The following SARS1 variants were observed in gnomAD, a reference collection of about 807,000 sequenced individuals.
The protein encoded by SARS1 is seryl-tRNA synthetase 1, also known as serine--tRNA ligase, cytoplasmic.
SARS1 carries 25 observed loss-of-function variants against 63.7 expected under a neutral mutation model. The ratio of observed to expected loss-of-function variants is 0.39; its 90% CI spans 0.29 to 0.55. The LOEUF (loss-of-function observed/expected upper bound fraction) is 0.55. Among genes scored for constraint, SARS1 ranks in the 20% least tolerant of loss-of-function variants. The pLI, the probability that SARS1 is intolerant of heterozygous loss-of-function variation, is 0.62. For missense variants in SARS1, 417 were observed against 649.7 expected (o/e 0.64, Z 3.89); for synonymous variants, 231 against 243.5 (o/e 0.95, Z 0.48).
At chr1:109,233,155 A>G (rs548711105) in intron 6 of SARS1, among the ~76,000 whole-genome samples, 1 of 90,720 alleles carries the variant, frequency 1.1e-5, no homozygotes, top group Non-Finnish European at 2.4e-5. Flanking sequence ...CTAAATTTTA[A>G]TTTAATTTAA....
intron 5 of SARS1, 200 bp from the exon 6 acceptor site, chr1:109,231,431 A>T (rs1482321908): frequency 2.5e-6 from 1 of 405,432 alleles, no homozygotes; most frequent in Non-Finnish European, 4.3e-6. Flanking sequence ...GTGTGCCTGG[A>T]TGATTTGCTG....
intron 1 of SARS1, chr1:109,215,059 C>A: frequency 1.0e-6 from 1 of 985,458 alleles, no homozygotes. Context: ...CAAAGGCAGC[C>A]ACTATCCAAG....
chr1:109,236,944 G>A (rs771204352), intron 9 of SARS1: 23 of 1,515,802 alleles, frequency 1.5e-5, no homozygotes, highest in Admixed American at 4.9e-5. Context: ...TGCTTGAAAG[G>A]GGTGAAAAGG....
At chr1:109,215,168 C>G (rs1455379689) in intron 1 of SARS1, 6 of 985,278 alleles carry the variant, frequency 6.1e-6, no homozygotes, top group African/African-American at 1.7e-5. Flanking sequence ...TGTGCTGATT[C>G]TATGTCTTAG....
At chr1:109,236,873 C>G (rs1298467569) in intron 9 of SARS1, 1 of 1,597,418 alleles carries the variant, frequency 6.3e-7, no homozygotes, top group East Asian at 2.2e-5. Flanking sequence ...CCAAGAAGGT[C>G]TGGGTTGTAA....
At chr1:109,220,265 C>T (rs1003337331) in intron 1 of SARS1, among the ~76,000 whole-genome samples, 5 of 152,136 alleles carry the variant, frequency 3.3e-5, no homozygotes, top group Non-Finnish European at 1.5e-5. Context: ...ATAGGGTGGG[C>T]ACATGTTTAG....
At chr1:109,233,105 T>C (rs1655240670) in intron 6 of SARS1, among the ~76,000 whole-genome samples, 1 of 152,232 alleles carries the variant, frequency 6.6e-6, no homozygotes, top group African/African-American at 2.4e-5. Flanking sequence ...CAGCCATATG[T>C]GACTTGAGCA....
chr1:109,231,089 T>G, intron 5 of SARS1, 68 bp downstream of exon 5: 8 of 989,438 alleles, frequency 8.1e-6, no homozygotes, highest in South Asian at 5.1e-5. Flanking sequence ...ATATATTTTT[T>G]TTTTTTTTTG....
At chr1:109,215,474 A>G (rs2101178695) in intron 1 of SARS1, 1 of 985,260 alleles carries the variant, frequency 1.0e-6, no homozygotes, top group Non-Finnish European at 1.2e-6. Context: ...CAAGGATTCA[A>G]TTTTATTCAT....
In SARS1 at chr1:109,214,220, C is replaced by A; in HGVS notation, c.136+92C>A. The A allele has an allele frequency of 2.1e-6, 3 of 1,451,446 alleles. No homozygotes were observed. Among genetic ancestry groups the A allele is most frequent in the Non-Finnish European group, 2.8e-6 (3 of 1,072,206 alleles). The allele number at this position is 1,451,446 out of a possible 1,614,324, so 89.9% of individuals were successfully genotyped here. A position where few individuals can be genotyped will look rare whatever the true frequency, so the allele number is the denominator to read the frequency against. Reference sequence around the variant, plus strand: ...ACCGCTCCTGAGGCCACAGCTTCCACCCTTCGTCAGACCCCCTCCCAGGGT... The same window carrying A: ...ACCGCTCCTGAGGCCACAGCTTCCAACCTTCGTCAGACCCCCTCCCAGGGT... On this transcript the variant is annotated intron_variant, in intron 1 of 10. Transcript: ENST00000234677. This position sits in a 1 kb window ranked among gnomAD's most constrained non-coding sequence, Gnocchi z 4.6.
chr1:109,216,098 T>C (rs1654779452), intron 1 of SARS1: 1 of 985,326 alleles, frequency 1.0e-6, no homozygotes, highest in Non-Finnish European at 1.2e-6. Context: ...ATTTATGTTT[T>C]TTCCCAAGTT....
At chr1:109,221,999 TATATATATA>T (rs1557715406) in intron 1 of SARS1, among the ~76,000 whole-genome samples, 60 of 12,588 alleles carry the variant, frequency 4.8e-3, no homozygotes, top group East Asian at 0.012. Flanking sequence ...TATATATATA[TATATATATA>T]TATTTTTTTT....
At chr1:109,218,267 C>T (rs61799426) in intron 1 of SARS1, among the ~76,000 whole-genome samples, 3 of 145,696 alleles carry the variant, frequency 2.1e-5, no homozygotes, top group Non-Finnish European at 3.0e-5. Context: ...CTTGGGAGGC[C>T]GAGGCAGGAG....
At chr1:109,231,065 CAA>C (rs1230918247) in intron 5 of SARS1, 44 bp downstream of exon 5, 18 of 1,071,452 alleles carry the variant, frequency 1.7e-5, no homozygotes, top group East Asian at 3.7e-5. Flanking sequence ...GAAAAAGAAA[CAA>C]AATATATATA....
chr1:109,226,826 C>A (rs1397567815), intron 2 of SARS1, among the ~76,000 whole-genome samples: 1 of 149,828 alleles, frequency 6.7e-6, no homozygotes, highest in Non-Finnish European at 1.5e-5. Flanking sequence ...CTAAAGTGAT[C>A]TGCCCACCTC....
chr1:109,236,573 A>C (rs1169735335), intron 9 of SARS1, 25 bp downstream of exon 9: 1 of 1,593,916 alleles, frequency 6.3e-7, no homozygotes, highest in South Asian at 1.1e-5. Flanking sequence ...GGGAGGTGGG[A>C]AGCAGAGTCT....
intron 5 of SARS1, 138 bp from the exon 6 acceptor site, chr1:109,231,486 GCTGGGAT>G: frequency 1.8e-6 from 1 of 556,774 alleles, no homozygotes. Flanking sequence ...AATGTCAGTT[GCTGGGAT>G]CTGTGGTCTT....
At position 109,214,553 on chromosome 1, in the gene SARS1, A is replaced by C. The variant is rs1171354263; in HGVS notation, c.136+425A>C. ...TTTTCCTTTGTTTTGATAGGATCAA[A>C]GGCTTCTCCTGAGACTGCGTCACTT... On this transcript the variant is annotated intron_variant, in intron 1 of 10. Coordinates refer to ENST00000234677, the MANE Select transcript of SARS1 (RefSeq NM_006513.4). The surrounding 1 kb of genome is among the most constrained non-coding windows in gnomAD (Gnocchi z 4.6). The C allele has an allele frequency of 6.0e-6, 6 of 993,940 alleles. No individual in the cohort carries two copies. The highest frequency in any genetic ancestry group is 6.0e-6 in the Non-Finnish European group (5 of 834,812). The allele number at this position is 993,940 out of a possible 1,614,324, so 61.6% of individuals were successfully genotyped here.
At chr1:109,218,309 G>A (rs1236530904) in intron 1 of SARS1, among the ~76,000 whole-genome samples, 1 of 150,622 alleles carries the variant, frequency 6.6e-6, no homozygotes, top group Non-Finnish European at 1.5e-5. Flanking sequence ...GGAGGTTGCA[G>A]TGAGCTGAGA....
Sources: gnomAD v4.1 joint callset for allele counts (sites outside exome capture counted in the v4.1 genomes callset) on GRCh38, gnomAD v4.1.1 for gene constraint, Gnocchi (gnomAD v3.1) non-coding constraint, MANE v1.5 for transcripts, NCBI Gene and HGNC (gene_info 2026-07-23, HGNC 2026-07-21) for gene names.